REEP6: variants seen among roughly 807,000 people sequenced by gnomAD.
REEP6 encodes the protein receptor accessory protein 6.
A neutral mutation model predicts 22.4 loss-of-function variants in REEP6; 19 were observed. The ratio of observed to expected loss-of-function variants is 0.85; its 90% CI spans 0.59 to 1.25. The LOEUF (loss-of-function observed/expected upper bound fraction) is 1.25. Ranked by LOEUF, REEP6 falls within the 50% of genes most tolerant of loss-of-function variation. The pLI, the probability that REEP6 is intolerant of heterozygous loss-of-function variation, is 0.00. For missense variants in REEP6, 273 were observed against 251.9 expected (o/e 1.08, Z -0.57); for synonymous variants, 121 against 113.6 (o/e 1.06, Z -0.41).
At chr19:1,495,010 C>T (rs1409717156) in intron 1 of REEP6, among the ~76,000 whole-genome samples, 6 of 152,206 alleles carry the variant, frequency 3.9e-5, no homozygotes, top group Non-Finnish European at 5.9e-5. Context: ...GCAGCTATTC[C>T]GCACCCACCC....
chr19:1,497,157 C>T lies in REEP6; in HGVS notation c.518-17C>T, dbSNP rs368767269. The T allele has an allele frequency of 3.8e-5, 53 of 1,409,216 alleles. No homozygotes were observed. The highest frequency in any genetic ancestry group is 1.8e-4 in the South Asian group (11 of 60,568). The allele number at this position is 1,409,216 out of a possible 1,614,324, so 87.3% of individuals were successfully genotyped here. Reference sequence around the variant, plus strand: ...GCCTGCCTCACGGCCCTCCCCCACCCGCCCCTCTCTCTGCAGTCAAGCCAA... The same window carrying T: ...GCCTGCCTCACGGCCCTCCCCCACCTGCCCCTCTCTCTGCAGTCAAGCCAA... On this transcript the variant is annotated splice_polypyrimidine_tract_variant and intron_variant, in intron 4 of 4. Transcript: ENST00000233596. The surrounding 1 kb of genome is among the most constrained non-coding windows in gnomAD (Gnocchi z 6.5).
intron 1 of REEP6, among the ~76,000 whole-genome samples, chr19:1,494,909 C>T (rs925152804): frequency 5.9e-5 from 9 of 152,166 alleles, no homozygotes; most frequent in South Asian, 2.1e-4. Flanking sequence ...TGGTCTCCAT[C>T]TCCTGACCTC....
rs537963168 is a variant in REEP6 at position 1,491,525 on chromosome 19, G to T, written c.115+141G>T. On this transcript the variant is annotated intron_variant, in intron 1 of 4. Transcript: ENST00000233596. This position sits in a 1 kb window ranked among gnomAD's most constrained non-coding sequence, Gnocchi z 5.4. ...CGAGGTGACTGGGACCTCGAGGTCC[G>T]CCCGCAGCCCTTCCCTTGCCCGCGC... 4.5e-5 allele frequency: 22 copies of T among 489,632 alleles called. No individual in the cohort carries two copies. The highest frequency in any genetic ancestry group is 4.0e-4 in the African/African-American group (20 of 49,878). The allele number at this position is 489,632 out of a possible 1,614,324, so 30.3% of individuals were successfully genotyped here. A position where few individuals can be genotyped will look rare whatever the true frequency, so the allele number is the denominator to read the frequency against.
In REEP6 at chr19:1,496,150, C is replaced by T; in HGVS notation, c.349-135C>T. Reference sequence around the variant, plus strand: ...ATAGGACGTCTGATGGTGGCGGGCCCACCCTAAAGGGTGTCTGATGGTGGA... The same window carrying T: ...ATAGGACGTCTGATGGTGGCGGGCCTACCCTAAAGGGTGTCTGATGGTGGA... On this transcript the variant is annotated intron_variant, in intron 3 of 4. Coordinates refer to ENST00000233596, the MANE Select transcript of REEP6 (RefSeq NM_138393.4). 5.4e-6 allele frequency: 6 copies of T among 1,104,350 alleles called. No homozygotes were observed. In the South Asian group the frequency reaches 1.0e-4, roughly 19 times the overall value. The allele number at this position is 1,104,350 out of a possible 1,614,324, so 68.4% of individuals were successfully genotyped here. A position where few individuals can be genotyped will look rare whatever the true frequency, so the allele number is the denominator to read the frequency against.
chr19:1,491,209 C>A lies in REEP6; in HGVS notation c.-61C>A. ...CTGCGGGAAAGCGGTGCGCGTGCAG[C>A]GGGGTGGGTGCCCTGGTCCGCGGGC... On this transcript the variant is annotated 5_prime_UTR_variant, in exon 1 of 5. Transcript: ENST00000233596. This position sits in a 1 kb window ranked among gnomAD's most constrained non-coding sequence, Gnocchi z 5.4. 2 of 1,187,086 alleles carry A rather than the reference C, an allele frequency of 1.7e-6. No individual in the cohort carries two copies. The highest frequency in any genetic ancestry group is 3.4e-5 in the Admixed American group (1 of 29,116). The allele number at this position is 1,187,086 out of a possible 1,614,324, so 73.5% of individuals were successfully genotyped here.
In REEP6 at chr19:1,491,362, G is replaced by A; in HGVS notation, c.93G>A (p.Val31=). 6.8e-7 allele frequency: 1 copy of A among 1,471,328 alleles called. No homozygotes were observed. The highest frequency in any genetic ancestry group is 1.3e-5 in the South Asian group (1 of 74,542). The allele number at this position is 1,471,328 out of a possible 1,614,324, so 91.1% of individuals were successfully genotyped here. ...VLGALEAKTG[V]EKRYLAAGAV... ...GGGCGCTGGAGGCCAAGACCGGGGT[G>A]GAGAAGCGGTATCTGGCTGCAGGTG... The change falls in exon 1 of 5, where the codon GTG becomes GTA. Residue 31 remains valine, a synonymous_variant. Coordinates refer to ENST00000233596, the MANE Select transcript of REEP6 (RefSeq NM_138393.4). The surrounding 1 kb of genome is among the most constrained non-coding windows in gnomAD (Gnocchi z 5.4).
intron 1 of REEP6, among the ~76,000 whole-genome samples, chr19:1,493,234 C>G (rs141648937): frequency 6.6e-6 from 1 of 152,144 alleles, no homozygotes; most frequent in Non-Finnish European, 1.5e-5. Flanking sequence ...TTCCTCCCCA[C>G]GAGCCAGGCC....
intron 1 of REEP6, among the ~76,000 whole-genome samples, chr19:1,492,805 C>A (rs1307750089): frequency 2.0e-5 from 3 of 152,296 alleles, no homozygotes; most frequent in Non-Finnish European, 4.4e-5. Flanking sequence ...GAAGTCTGTG[C>A]CCACACCCTG....
At chr19:1,495,890 T>C in intron 3 of REEP6, 1 of 567,766 alleles carries the variant, frequency 1.8e-6, no homozygotes. Context: ...CCCTGAAGGG[T>C]GTCTGATGGT....
At position 1,497,144 on chromosome 19, in the gene REEP6, G is replaced by GGC; in HGVS notation, c.518-30_518-29insGC. ...CCGGGGAGCCCAGGCCTGCCTCACGGCCCTCCCCCACCCGCCCCTCTCTCT... is the reference window on the plus strand; with the variant it reads ...CCGGGGAGCCCAGGCCTGCCTCACGGGCCCCTCCCCCACCCGCCCCTCTCTCT... On this transcript the variant is annotated intron_variant, in intron 4 of 4. Transcript: ENST00000233596. The surrounding 1 kb of genome is among the most constrained non-coding windows in gnomAD (Gnocchi z 6.5). 91 of 1,327,946 alleles carry GGC rather than the reference G, an allele frequency of 6.9e-5. No individual in the cohort carries two copies. The highest frequency in any genetic ancestry group is 9.0e-5 in the African/African-American group (6 of 66,308). 82.3% of individuals were successfully genotyped at this position (1,327,946 alleles called of 1,614,324 possible). A position where few individuals can be genotyped will look rare whatever the true frequency, so the allele number is the denominator to read the frequency against.
Position 1,497,371 on chromosome 19 carries a change from C to T in REEP6, c.*160C>T, listed in dbSNP as rs749268025. ...CTGGGGGTCTCCTTAAATGCCACCT[C>T]GGGCAAGTCCCAGTCCCAGTCCTCG... On this transcript the variant is annotated 3_prime_UTR_variant, in exon 5 of 5. Transcript: ENST00000233596. The surrounding 1 kb of genome is among the most constrained non-coding windows in gnomAD (Gnocchi z 6.5). The T allele has an allele frequency of 1.8e-4, 133 of 747,884 alleles. No homozygotes were observed. Among genetic ancestry groups the T allele is most frequent in the Admixed American group, 3.6e-4 (18 of 50,008 alleles). The allele number at this position is 747,884 out of a possible 1,614,324, so 46.3% of individuals were successfully genotyped here.
At chr19:1,496,804 T>C in intron 4 of REEP6, 1 of 584,260 alleles carries the variant, frequency 1.7e-6, no homozygotes. Context: ...TGCAAGAGGG[T>C]GCGTGTGCAT....
Position 1,491,314 on chromosome 19 carries a change from G to A in REEP6, c.45G>A (p.Arg15=), listed in dbSNP as rs549769578. ...RQRVEHFLEQ[R]NLVTEVLGAL... Reference sequence around the variant, plus strand: ...GCGTGGAGCACTTCCTGGAGCAAAGGAACCTGGTCACCGAAGTGCTGGGGG... The same window carrying A: ...GCGTGGAGCACTTCCTGGAGCAAAGAAACCTGGTCACCGAAGTGCTGGGGG... Residue 15 remains arginine (R), a synonymous_variant, in exon 1 of 5, where the codon AGG becomes AGA. Transcript: ENST00000233596. The surrounding 1 kb of genome is among the most constrained non-coding windows in gnomAD (Gnocchi z 5.4). 9 of 1,479,754 alleles carry A rather than the reference G, an allele frequency of 6.1e-6. No individual in the cohort carries two copies. The South Asian group carries it at 1.1e-4, about 17-fold the overall frequency. 91.7% of individuals were successfully genotyped at this position (1,479,754 alleles called of 1,614,324 possible). A position where few individuals can be genotyped will look rare whatever the true frequency, so the allele number is the denominator to read the frequency against.
intron 1 of REEP6, among the ~76,000 whole-genome samples, chr19:1,494,212 C>T (rs573059281): frequency 2.6e-5 from 4 of 152,298 alleles, no homozygotes; most frequent in South Asian, 2.1e-4. Flanking sequence ...CACTCAGTGC[C>T]GGCTGGTGAG....
chr19:1,496,700 C>CTGTG lies in REEP6; in HGVS notation c.517+262_517+265dup, dbSNP rs112644489. ...CGTAACCGCTGTGGGGAGATAGGAG[C>CTGTG]TGTGTGTGTGTGTGTGTGCGCGCGC... is the stretch of plus-strand genomic sequence containing the variant. On this transcript the variant is annotated intron_variant, in intron 4 of 4. Transcript: ENST00000233596. The CTGTG allele has an allele frequency of 0.012, 7,693 of 659,094 alleles. 432 individuals carry two copies. The African/African-American group carries it at 0.13, about 11-fold the overall frequency. 40.8% of individuals were successfully genotyped at this position (659,094 alleles called of 1,614,324 possible). A position where few individuals can be genotyped will look rare whatever the true frequency, so the allele number is the denominator to read the frequency against.
Position 1,497,072 on chromosome 19 carries a change from C to A in REEP6, c.518-102C>A. ...TGAGGGTGGCTGCCCGGCCCCTCGA[C>A]TTGTCATGCTCATAGCCAGTAGCCT... On this transcript the variant is annotated intron_variant, in intron 4 of 4. Transcript: ENST00000233596. This position sits in a 1 kb window ranked among gnomAD's most constrained non-coding sequence, Gnocchi z 6.5. 1 of 1,012,376 alleles carries A rather than the reference C, an allele frequency of 9.9e-7. No individual in the cohort carries two copies. The highest frequency in any genetic ancestry group is 1.4e-6 in the Non-Finnish European group (1 of 712,556). 62.7% of individuals were successfully genotyped at this position (1,012,376 alleles called of 1,614,324 possible).
intron 3 of REEP6, 25 bp from the exon 4 acceptor site, chr19:1,496,260 G>A (rs773539727): frequency 7.4e-5 from 118 of 1,587,430 alleles, no homozygotes; most frequent in Non-Finnish European, 9.0e-5. Flanking sequence ...GTGGGCCCGC[G>A]TGTAACTCCT....
intron 4 of REEP6, among the ~76,000 whole-genome samples, chr19:1,496,871 CG>C (rs1306063446): frequency 6.6e-6 from 1 of 152,078 alleles, no homozygotes; most frequent in African/African-American, 2.4e-5. Context: ...TGTTTTCTCA[CG>C]TGTGCATATG....
At position 1,497,359 on chromosome 19, in the gene REEP6, T is replaced by A; in HGVS notation, c.*148T>A. On this transcript the variant is annotated 3_prime_UTR_variant, in exon 5 of 5. Coordinates refer to ENST00000233596, the MANE Select transcript of REEP6 (RefSeq NM_138393.4). This position sits in a 1 kb window ranked among gnomAD's most constrained non-coding sequence, Gnocchi z 6.5. Reference sequence around the variant, plus strand: ...CCAGGCAAGGCCCTGGGGGTCTCCTTAAATGCCACCTCGGGCAAGTCCCAG... The same window carrying A: ...CCAGGCAAGGCCCTGGGGGTCTCCTAAAATGCCACCTCGGGCAAGTCCCAG... 1 of 779,578 alleles carries A rather than the reference T, an allele frequency of 1.3e-6. No homozygotes were observed. The highest frequency in any genetic ancestry group is 2.3e-6 in the Non-Finnish European group (1 of 442,822). The allele number at this position is 779,578 out of a possible 1,614,324, so 48.3% of individuals were successfully genotyped here.
Sources: gnomAD v4.1 joint callset for allele counts (sites outside exome capture counted in the v4.1 genomes callset) on GRCh38, gnomAD v4.1.1 for gene constraint, Gnocchi (gnomAD v3.1) non-coding constraint, MANE v1.5 for transcripts, NCBI Gene and HGNC (gene_info 2026-07-23, HGNC 2026-07-21) for gene names.